PSME4: variants seen among roughly 807,000 people sequenced by gnomAD.
PSME4 encodes proteasome activator complex subunit 4.
PSME4 carries 89 observed loss-of-function variants against 253.9 expected under a neutral mutation model. The ratio of observed to expected loss-of-function variants is 0.35; its 90% CI spans 0.30 to 0.42. The LOEUF (loss-of-function observed/expected upper bound fraction) is 0.42. Among genes scored for constraint, PSME4 ranks in the 10% least tolerant of loss-of-function variants. The pLI is 1.00. For missense variants in PSME4, 2,014 were observed against 2,195.2 expected, an observed-to-expected ratio of 0.92 and a Z score of 1.65; for synonymous variants, 851 against 759.2, an observed-to-expected ratio of 1.12 and a Z score of -1.99.
At chr2:53,894,476 T>C (rs1001632569) in intron 34 of PSME4, among the ~76,000 whole-genome samples, 3 of 152,212 alleles carry the variant, frequency 2.0e-5, no homozygotes, top group Admixed American at 6.5e-5. Flanking sequence ...TTTGCCATGT[T>C]GCTCAGGATG....
At chr2:53,938,726 C>A (rs1220394853) in intron 4 of PSME4, among the ~76,000 whole-genome samples, 1 of 152,128 alleles carries the variant, frequency 6.6e-6, no homozygotes, top group African/African-American at 2.4e-5. Context: ...ATTAATCCTA[C>A]TATATCTTCA....
rs773037878 is a variant in PSME4, at chr2:53,928,107, A to G, written c.1503+10T>C. On this transcript the variant is annotated intron_variant, in intron 11 of 46. Coordinates refer to ENST00000404125, the MANE Select transcript of PSME4 (RefSeq NM_014614.3). ...CTAAATACGGAGTGTATAATCACCAATATACTCACCATGCATTTACTAAAG... is the reference window on the plus strand; with the variant it reads ...CTAAATACGGAGTGTATAATCACCAGTATACTCACCATGCATTTACTAAAG... 2.5e-6 allele frequency: 4 copies of G among 1,609,696 alleles called. No homozygotes were observed. The South Asian group carries it at 3.3e-5, about 13-fold the overall frequency.
At chr2:53,922,461 T>C (rs1668370056) in intron 17 of PSME4, 56 bp downstream of exon 17, 2 of 1,572,558 alleles carry the variant, frequency 1.3e-6, no homozygotes, top group Non-Finnish European at 1.7e-6. Context: ...AGCTAAATCC[T>C]AAAAGCAAGT....
chr2:53,930,894 T>C (rs912520326), intron 10 of PSME4, among the ~76,000 whole-genome samples: 35 of 152,166 alleles, frequency 2.3e-4, no homozygotes, highest in African/African-American at 8.4e-4. Context: ...TAGAAAGAGA[T>C]CATAAAGCTT....
chr2:53,935,565 T>C (rs951203369), intron 7 of PSME4, among the ~76,000 whole-genome samples: 2 of 152,206 alleles, frequency 1.3e-5, no homozygotes, highest in African/African-American at 4.8e-5. Flanking sequence ...ATCTAAAAAG[T>C]GGGCAGCACT....
chr2:53,886,117 T>A (rs1349834333), intron 40 of PSME4, among the ~76,000 whole-genome samples: 3 of 152,160 alleles, frequency 2.0e-5, no homozygotes. Context: ...ACAATCTAAT[T>A]CAGAAATGGG....
chr2:53,942,396 A>G (rs1669493912), intron 3 of PSME4, among the ~76,000 whole-genome samples: 1 of 152,036 alleles, frequency 6.6e-6, no homozygotes, highest in South Asian at 2.1e-4. Context: ...AAAGGGATCT[A>G]CAGAGTAACT....
intron 3 of PSME4, among the ~76,000 whole-genome samples, chr2:53,944,681 G>A (rs567583271): frequency 6.6e-6 from 1 of 152,128 alleles, no homozygotes; most frequent in East Asian, 1.9e-4. Context: ...TGAGCTGCTG[G>A]TAGTAATTTA....
chr2:53,925,791 A>G (rs555117057), intron 13 of PSME4, 102 bp from the exon 14 acceptor site: 15 of 1,289,648 alleles, frequency 1.2e-5, no homozygotes, highest in Non-Finnish European at 1.5e-5. Flanking sequence ...TTCAAGTGAT[A>G]GCTACTTAAT....
At position 53,882,966 on chromosome 2, in the gene PSME4, A is replaced by G. The variant is rs542028175; in HGVS notation, c.4815+2724T>C. Among the ~76,000 whole-genome samples the G allele has an allele frequency of 2.6e-5, 4 of 152,192 alleles. No homozygotes were observed. In the South Asian group the frequency reaches 8.3e-4, roughly 32 times the overall value. On this transcript the variant is annotated intron_variant, in intron 41 of 46. Coordinates refer to ENST00000404125, the MANE Select transcript of PSME4 (RefSeq NM_014614.3). ...TGAACAGTGGCTGTTATCATACACA[A>G]TTAGTCTTGTCAGTCTATCTTATAC...
At chr2:53,878,127 T>C (rs935727370) in intron 41 of PSME4, among the ~76,000 whole-genome samples, 2 of 152,214 alleles carry the variant, frequency 1.3e-5, no homozygotes, top group African/African-American at 4.8e-5. Flanking sequence ...AGGGACCGGC[T>C]GAAGCCATGG....
chr2:53,965,424 G>C (rs761947546), intron 1 of PSME4, among the ~76,000 whole-genome samples: 1 of 151,934 alleles, frequency 6.6e-6, no homozygotes, highest in South Asian at 2.1e-4. Flanking sequence ...TAGAGACAGG[G>C]TTTCACCATG....
At chr2:53,866,041 C>A (rs1678550004) in intron 46 of PSME4, 44 bp downstream of exon 46, 1 of 1,520,754 alleles carries the variant, frequency 6.6e-7, no homozygotes, top group Non-Finnish European at 9.0e-7. Context: ...ATATCTAGTT[C>A]TCAGTCACCA....
At chr2:53,901,098 T>C (rs805424) in intron 28 of PSME4, among the ~76,000 whole-genome samples, 82,879 of 151,922 alleles carry the variant, frequency 0.55, 22,976 homozygotes, top group East Asian at 0.71. Flanking sequence ...AGGGTAAATA[T>C]AACAAATCAA....
chr2:53,923,168 C>T (rs774193547), intron 15 of PSME4, 50 bp from the exon 16 acceptor site: 2 of 1,519,674 alleles, frequency 1.3e-6, no homozygotes, highest in Admixed American at 2.0e-5. Flanking sequence ...CAAATATATA[C>T]AAGATTATAT....
At chr2:53,964,265 G>A (rs375196689) in intron 1 of PSME4, among the ~76,000 whole-genome samples, 2 of 152,122 alleles carry the variant, frequency 1.3e-5, no homozygotes, top group Admixed American at 6.5e-5. Context: ...TAGAGACAGA[G>A]GGTATACAGG....
At chr2:53,876,713 A>ACTTTTTTTTTTTTTTTTT (rs1553403916) in intron 41 of PSME4, among the ~76,000 whole-genome samples, 1 of 77,200 alleles carries the variant, frequency 1.3e-5, no homozygotes, top group East Asian at 8.2e-4. Context: ...AGCCACTGTC[A>ACTTTTTTTTTTTTTTTTT]TTCTTTTTTT....
rs559252818 is a variant in PSME4, at chr2:53,918,125, CT to C, written c.2516+1025del. Among the ~76,000 whole-genome samples the C allele has an allele frequency of 2.3e-3, 344 of 152,186 alleles. 1 individual carries two copies. The highest frequency in any genetic ancestry group is 7.9e-3 in the African/African-American group (329 of 41,526). ...CACATTTTGAAACCACTTCTTGAGG[CT>C]TTTTAACGTTTTTGTTGGAAAATCA... On this transcript the variant is annotated intron_variant, in intron 20 of 46. Transcript: ENST00000404125.
chr2:53,910,012 GTCC>G, intron 21 of PSME4, 60 bp downstream of exon 21: 1 of 1,277,980 alleles, frequency 7.8e-7, no homozygotes, highest in Non-Finnish European at 1.1e-6. Flanking sequence ...CTTCATTTTA[GTCC>G]TTGTGGAGTT....
Sources: gnomAD v4.1 joint callset for allele counts (sites outside exome capture counted in the v4.1 genomes callset) on GRCh38, gnomAD v4.1.1 for gene constraint, MANE v1.5 for transcripts, NCBI Gene and HGNC (gene_info 2026-07-23, HGNC 2026-07-21) for gene names.